The following ZNF593 variants were observed in gnomAD, a reference collection of about 807,000 sequenced individuals.
The protein encoded by ZNF593 is BUD20 homolog.
A neutral mutation model predicts 12.9 loss-of-function variants in ZNF593; 18 were observed. The observed-to-expected ratio is 1.40, with a 90% CI of 0.96 to 2.07. ZNF593 has a LOEUF of 2.07. ZNF593 is among the 30% of genes most tolerant of loss of function. The probability of loss-of-function intolerance (pLI) is 0.00; values close to 1 mark genes in which losing one functional copy is unlikely to be tolerated. For missense variants in ZNF593, 198 were observed against 186.7 expected (o/e 1.06, Z -0.35); for synonymous variants, 79 against 79.9 (o/e 0.99, Z 0.06).
At position 26,170,793 on chromosome 1, in the gene ZNF593, AC is replaced by A; in HGVS notation, c.*81del. 6.5e-7 allele frequency: 1 copy of A among 1,531,676 alleles called. No individual in the cohort carries two copies. Among genetic ancestry groups the A allele is most frequent in the East Asian group, 2.3e-5 (1 of 44,236 alleles). 94.9% of individuals were successfully genotyped at this position (1,531,676 alleles called of 1,614,324 possible). A position where few individuals can be genotyped will look rare whatever the true frequency, so the allele number is the denominator to read the frequency against. ...GACTAGGCTGGGAGGGAGCGTGCCA[AC>A]CCCTTTTGCCTCTGGGTTTGGGGAG... is the stretch of plus-strand genomic sequence containing the variant. On this transcript the variant is annotated 3_prime_UTR_variant, in exon 3 of 3. Coordinates refer to ENST00000374266, the MANE Select transcript of ZNF593 (RefSeq NM_015871.5).
At position 26,170,217 on chromosome 1, in the gene ZNF593, G is replaced by A. The variant is rs376951537; in HGVS notation, c.200+34G>A. ...CGGACGAGCCCGGCCTGGGGCGGAG[G>A]AGGGTCCGCGGTACCGGCCGGGAGA... On this transcript the variant is annotated intron_variant, in intron 1 of 2. Transcript: ENST00000374266. The A allele has an allele frequency of 2.5e-6, 4 of 1,580,228 alleles. No individual in the cohort carries two copies. In the African/African-American group the frequency reaches 5.4e-5, roughly 21 times the overall value.
At chr1:26,170,532 T>G in intron 2 of ZNF593, 43 bp from the exon 3 acceptor site, 1 of 1,614,048 alleles carries the variant, frequency 6.2e-7, no homozygotes, top group Non-Finnish European at 8.5e-7. Flanking sequence ...CAGATAGGGC[T>G]CTCACCTGGT....
In ZNF593 at chr1:26,170,499, A is replaced by C. The variant is rs774126213; in HGVS notation, c.263+19A>C. 1 of 1,614,122 alleles carries C rather than the reference A, an allele frequency of 6.2e-7. No homozygotes were observed. Among genetic ancestry groups the C allele is most frequent in the South Asian group, 1.1e-5 (1 of 91,088 alleles). On this transcript the variant is annotated intron_variant, in intron 2 of 2. Transcript: ENST00000374266. ...AGAAAAGGTATGAAGGAGTAAGGAG[A>C]GGATTGATGGATGGGTGCTCAGCAG...
chr1:26,170,289 C>A, intron 1 of ZNF593, 106 bp downstream of exon 1: 1 of 1,532,354 alleles, frequency 6.5e-7, no homozygotes, highest in Non-Finnish European at 8.8e-7. Context: ...CTCTTGGGAC[C>A]CGTGGGTCCG....
In ZNF593 at chr1:26,170,175, G is replaced by A. The variant is rs1235727582; in HGVS notation, c.192G>A (p.Leu64=). ...CAGGGGGCGGTCTGCACCGCTGTCT[G>A]GCCTGCGCGTGAGTCCCGGACGAGC... ...DLPGGGLHRC[L]ACARYFIDST... is the part of the protein sequence containing the mutation. The change falls in exon 1 of 3, where the codon CTG becomes CTA. Residue 64 remains leucine, a synonymous_variant. Coordinates refer to ENST00000374266, the MANE Select transcript of ZNF593 (RefSeq NM_015871.5). The A allele has an allele frequency of 6.4e-7, 1 of 1,572,022 alleles. No homozygotes were observed. The highest frequency in any genetic ancestry group is 1.1e-5 in the South Asian group (1 of 87,430).
chr1:26,170,341 C>T (rs2088475073), intron 1 of ZNF593, 77 bp from the exon 2 acceptor site: 1 of 1,542,932 alleles, frequency 6.5e-7, no homozygotes, highest in African/African-American at 1.4e-5. Context: ...GCGTCAGGGA[C>T]AAGCTAGGGC....
rs776356980 is a variant in ZNF593 at position 26,170,764 on chromosome 1, C to G, written c.*48C>G. On this transcript the variant is annotated 3_prime_UTR_variant, in exon 3 of 3. Coordinates refer to ENST00000374266, the MANE Select transcript of ZNF593 (RefSeq NM_015871.5). Reference sequence around the variant, plus strand: ...GAGGAATTGCCCATGGACAGTGACGCAAGGACTAGGCTGGGAGGGAGCGTG... The same window carrying G: ...GAGGAATTGCCCATGGACAGTGACGGAAGGACTAGGCTGGGAGGGAGCGTG... 6.3e-6 allele frequency: 10 copies of G among 1,578,758 alleles called. No individual in the cohort carries two copies. The highest frequency in any genetic ancestry group is 6.0e-6 in the Non-Finnish European group (7 of 1,167,806).
chr1:26,170,115 G>C lies in ZNF593; in HGVS notation c.132G>C (p.Gln44His), dbSNP rs767673677. The C allele has an allele frequency of 8.9e-5, 139 of 1,570,594 alleles. No individual in the cohort carries two copies. The highest frequency in any genetic ancestry group is 1.1e-4 in the Non-Finnish European group (125 of 1,160,236). The change falls in exon 1 of 3, where the codon CAG becomes CAC. Residue 44 changes from glutamine to histidine, a missense_variant. Physicochemically the swap from Gln to His is conservative, Grantham distance 24 (BLOSUM62 0). Coordinates refer to ENST00000374266, the MANE Select transcript of ZNF593 (RefSeq NM_015871.5). ...ELRPQGSARPQPDPNAEFDPD... is the reference protein window; with the variant it reads ...ELRPQGSARPHPDPNAEFDPD... ...GGCCTCAGGGATCCGCACGACCCCA[G>C]CCCGACCCAAACGCCGAGTTCGACC...
In ZNF593 at chr1:26,170,407, C is replaced by T. The variant is rs2088477991; in HGVS notation, c.201-11C>T. The T allele has an allele frequency of 5.0e-6, 8 of 1,612,476 alleles. No homozygotes were observed. The East Asian group carries it at 1.3e-4, about 27-fold the overall frequency. Reference sequence around the variant, plus strand: ...ACCTCCTCACTCTCCTTCTCACTTCCATTCCTACAGGAGGTACTTCATCGA... The same window carrying T: ...ACCTCCTCACTCTCCTTCTCACTTCTATTCCTACAGGAGGTACTTCATCGA... On this transcript the variant is annotated splice_polypyrimidine_tract_variant and intron_variant, in intron 1 of 2. Transcript: ENST00000374266.
At position 26,170,641 on chromosome 1, in the gene ZNF593, C is replaced by T. The variant is rs1236936664; in HGVS notation, c.330C>T (p.Ser110=). The change falls in exon 3 of 3, where the codon TCC becomes TCT. Residue 110 remains serine, a synonymous_variant. Coordinates refer to ENST00000374266, the MANE Select transcript of ZNF593 (RefSeq NM_015871.5). ...EEAERAAGMG[S]YVPPRRLAVP... is the part of the protein sequence containing the mutation. Reference sequence around the variant, plus strand: ...CGGAGAGGGCAGCGGGTATGGGATCCTATGTGCCCCCCAGGCGGCTGGCAG... The same window carrying T: ...CGGAGAGGGCAGCGGGTATGGGATCTTATGTGCCCCCCAGGCGGCTGGCAG... The T allele has an allele frequency of 6.2e-7, 1 of 1,613,000 alleles. No homozygotes were observed. Among genetic ancestry groups the T allele is most frequent in the Non-Finnish European group, 8.5e-7 (1 of 1,180,014 alleles).
chr1:26,170,187 A>C lies in ZNF593; in HGVS notation c.200+4A>C, dbSNP rs2088472377. 6.4e-7 allele frequency: 1 copy of C among 1,573,410 alleles called. No individual in the cohort carries two copies. The highest frequency in any genetic ancestry group is 8.6e-7 in the Non-Finnish European group (1 of 1,163,630). On this transcript the variant is annotated splice_donor_region_variant and intron_variant, in intron 1 of 2. Coordinates refer to ENST00000374266, the MANE Select transcript of ZNF593 (RefSeq NM_015871.5). ...TGCACCGCTGTCTGGCCTGCGCGTG[A>C]GTCCCGGACGAGCCCGGCCTGGGGC...
rs2088468055 is a variant in ZNF593, at chr1:26,169,983, C to T, written c.-1C>T. 4 of 1,541,868 alleles carry T rather than the reference C, an allele frequency of 2.6e-6. No homozygotes were observed. The highest frequency in any genetic ancestry group is 1.2e-5 in the South Asian group (1 of 83,842). ...CTTGGCCGGCCGGGCTGTTTCTGGC[C>T]ATGGGTCGCTCCCGCCGGACAGGCG... On this transcript the variant is annotated 5_prime_UTR_variant, in exon 1 of 3. Transcript: ENST00000374266.
rs1394258579 is a variant in ZNF593 at position 26,170,030 on chromosome 1, C to T, written c.47C>T (p.Ala16Val). Residue 16 changes from alanine (A) to valine (V), a missense_variant, in exon 1 of 3, where the codon GCC (alanine) becomes GTC (valine). Coordinates refer to ENST00000374266, the MANE Select transcript of ZNF593 (RefSeq NM_015871.5). ...GGCGCGCACCGAGCGCACTCTCTAG[C>T]CCGGCAGATGAAGGCGAAGCGGCGG... ...RTGAHRAHSL[A>V]RQMKAKRRRP... 12 of 1,570,826 alleles carry T rather than the reference C, an allele frequency of 7.6e-6. No homozygotes were observed. The highest frequency in any genetic ancestry group is 1.0e-5 in the Non-Finnish European group (12 of 1,161,954).
At position 26,169,969 on chromosome 1, in the gene ZNF593, G is replaced by C. The variant is rs769061444; in HGVS notation, c.-15G>C. The C allele has an allele frequency of 7.6e-5, 117 of 1,531,714 alleles. No individual in the cohort carries two copies. Among genetic ancestry groups the C allele is most frequent in the Non-Finnish European group, 9.8e-5 (112 of 1,142,752 alleles). 94.9% of individuals were successfully genotyped at this position (1,531,714 alleles called of 1,614,324 possible). On this transcript the variant is annotated 5_prime_UTR_variant, in exon 1 of 3. Coordinates refer to ENST00000374266, the MANE Select transcript of ZNF593 (RefSeq NM_015871.5). ...CCTGCTCCTGGCCCCTTGGCCGGCC[G>C]GGCTGTTTCTGGCCATGGGTCGCTC...
In ZNF593 at chr1:26,170,625, C is replaced by T. The variant is rs1486303622; in HGVS notation, c.314C>T (p.Ala105Val). Residue 105 changes from alanine to valine, a missense_variant, in exon 3 of 3, where the codon GCA (alanine) becomes GTA (valine). By Grantham distance (64) the Ala-to-Val change is moderately conservative. Transcript: ENST00000374266. ...EPYSQEEAER[A>V]AGMGSYVPPR... The stretch of plus-strand genomic sequence containing the variant: ...TACAGTCAGGAAGAGGCGGAGAGGG[C>T]AGCGGGTATGGGATCCTATGTGCCC... The T allele has an allele frequency of 1.1e-5, 17 of 1,613,332 alleles. No homozygotes were observed. Among genetic ancestry groups the T allele is most frequent in the Non-Finnish European group, 1.4e-5 (17 of 1,180,046 alleles).
In ZNF593 at chr1:26,170,035, C is replaced by A. The variant is rs1338731199; in HGVS notation, c.52C>A (p.Gln18Lys). The change falls in exon 1 of 3, where the codon CAG becomes AAG. Residue 18 changes from glutamine to lysine, a missense_variant. Gln to Lys is a moderately conservative substitution (Grantham distance 53, BLOSUM62 1). Coordinates refer to ENST00000374266, the MANE Select transcript of ZNF593 (RefSeq NM_015871.5). ...GCACCGAGCGCACTCTCTAGCCCGGCAGATGAAGGCGAAGCGGCGGCGGCC... is the reference window on the plus strand; with the variant it reads ...GCACCGAGCGCACTCTCTAGCCCGGAAGATGAAGGCGAAGCGGCGGCGGCC... The part of the protein sequence containing the change: ...GAHRAHSLAR[Q>K]MKAKRRRPDL... 1.3e-6 allele frequency: 2 copies of A among 1,572,550 alleles called. No individual in the cohort carries two copies. The highest frequency in any genetic ancestry group is 1.7e-6 in the Non-Finnish European group (2 of 1,162,726).
At position 26,170,647 on chromosome 1, in the gene ZNF593, G is replaced by GC. The variant is rs972983698; in HGVS notation, c.342dup (p.Arg115GlnfsTer12). 5.0e-6 allele frequency: 8 copies of GC among 1,612,562 alleles called. No homozygotes were observed. The highest frequency in any genetic ancestry group is 1.7e-5 in the Admixed American group (1 of 60,004). On this transcript the variant is annotated frameshift_variant, in exon 3 of 3. Transcript: ENST00000374266. LOFTEE classifies it high-confidence loss of function. ...GGGCAGCGGGTATGGGATCCTATGT[G>GC]CCCCCCAGGCGGCTGGCAGTGCCCA... is the stretch of plus-strand genomic sequence containing the variant.
rs764499594 is a variant in ZNF593 at position 26,170,416 on chromosome 1, A to G, written c.201-2A>G. 1.2e-6 allele frequency: 2 copies of G among 1,613,598 alleles called. No homozygotes were observed. Among genetic ancestry groups the G allele is most frequent in the Non-Finnish European group, 8.5e-7 (1 of 1,179,614 alleles). On this transcript the variant is annotated splice_acceptor_variant, in intron 1 of 2. Transcript: ENST00000374266. LOFTEE classifies it high-confidence loss of function. ...CTCTCCTTCTCACTTCCATTCCTAC[A>G]GGAGGTACTTCATCGATTCCACCAA...
In ZNF593 at chr1:26,170,148, G is replaced by T; in HGVS notation, c.165G>T (p.Leu55=). The stretch of plus-strand genomic sequence containing the variant: ...CAAACGCCGAGTTCGACCCCGACCT[G>T]CCAGGGGGCGGTCTGCACCGCTGTC... ...PDPNAEFDPD[L]PGGGLHRCLA... The change falls in exon 1 of 3, where the codon CTG becomes CTT. Residue 55 remains leucine (L), a synonymous_variant. Transcript: ENST00000374266. The T allele has an allele frequency of 1.3e-6, 2 of 1,571,506 alleles. No individual in the cohort carries two copies. Among genetic ancestry groups the T allele is most frequent in the South Asian group, 1.2e-5 (1 of 86,922 alleles).
Sources: allele counts gnomAD v4.1 joint callset, GRCh38; gene constraint gnomAD v4.1.1; transcripts MANE v1.5; gene names NCBI Gene and HGNC (gene_info 2026-07-23, HGNC 2026-07-21).